Variants in NFIC observed in about 807,000 individuals in gnomAD.
The protein encoded by NFIC is nuclear factor I C.
In NFIC, 12 loss-of-function variants were observed where a neutral mutation model predicts 54.4. The observed-to-expected ratio is 0.22, with a 90% CI of 0.14 to 0.36. The LOEUF (loss-of-function observed/expected upper bound fraction) is 0.36. Ranked by LOEUF, NFIC falls within the 10% of genes least tolerant of loss-of-function variation. The probability of loss-of-function intolerance (pLI) is 1.00; values close to 1 mark genes in which losing one functional copy is unlikely to be tolerated. For synonymous variants in NFIC, 322 were observed against 319.2 expected (o/e 1.01, Z -0.09); for missense variants, 575 against 718.2 (o/e 0.80, Z 2.28).
At chr19:3,384,450 G>A (rs188742060) in intron 2 of NFIC, among the ~76,000 whole-genome samples, 10 of 151,492 alleles carry the variant, frequency 6.6e-5, no homozygotes, top group East Asian at 1.9e-4. Context: ...GTCCAGTGAC[G>A]CAATCTCGGC....
chr19:3,408,324 C>T (rs775725588), intron 2 of NFIC, among the ~76,000 whole-genome samples: 4 of 152,274 alleles, frequency 2.6e-5, no homozygotes, highest in South Asian at 2.1e-4. Flanking sequence ...ATGGCCACTC[C>T]GTGCAATGCT....
chr19:3,434,932 C>G lies in NFIC; in HGVS notation c.834-151C>G, dbSNP rs946749301. 6.6e-6 allele frequency: 7 copies of G among 1,062,952 alleles called. No homozygotes were observed. The African/African-American group carries it at 8.1e-5, about 12-fold the overall frequency. 65.8% of individuals were successfully genotyped at this position (1,062,952 alleles called of 1,614,324 possible). On this transcript the variant is annotated intron_variant, in intron 5 of 10. Transcript: ENST00000443272. ...GGTTGGAACAGGCGTTCGTAGGGAACGGGCTGAACGCCCGCGGCTCCCGCG... is the reference window on the plus strand; with the variant it reads ...GGTTGGAACAGGCGTTCGTAGGGAAGGGGCTGAACGCCCGCGGCTCCCGCG...
intron 2 of NFIC, among the ~76,000 whole-genome samples, chr19:3,416,679 C>T (rs1235977424): frequency 6.6e-5 from 10 of 151,624 alleles, no homozygotes; most frequent in Non-Finnish European, 1.3e-4. Flanking sequence ...CATGTGCCAC[C>T]GTGCCCGGCT....
At chr19:3,432,778 C>T (rs1191939359) in intron 3 of NFIC, among the ~76,000 whole-genome samples, 2 of 151,382 alleles carry the variant, frequency 1.3e-5, no homozygotes, top group Non-Finnish European at 2.9e-5. Context: ...GGGTTCACAC[C>T]ATTCTCCTGC....
rs2081086912 is a variant in NFIC, at chr19:3,375,328, T to C, written c.31-6384T>C. Among the ~76,000 whole-genome samples the C allele has an allele frequency of 6.6e-6, 1 of 152,182 alleles. No homozygotes were observed. The highest frequency in any genetic ancestry group is 6.5e-5 in the Admixed American group (1 of 15,280). On this transcript the variant is annotated intron_variant, in intron 1 of 10. Transcript: ENST00000443272. This position sits in a 1 kb window ranked among gnomAD's most constrained non-coding sequence, Gnocchi z 4.6. The stretch of plus-strand genomic sequence containing the variant: ...TGGCATCTCCTCCACAGGCAGGTCC[T>C]GCGCCTCTATGGGTCCTCTCTGCCG...
At chr19:3,393,466 A>C (rs10422388) in intron 2 of NFIC, among the ~76,000 whole-genome samples, 84,669 of 151,860 alleles carry the variant, frequency 0.56, 24,480 homozygotes, top group Middle Eastern at 0.65. Flanking sequence ...GGCCCTGACC[A>C]CACAGGTGAT....
chr19:3,451,056 G>A (rs2082455098), intron 7 of NFIC, among the ~76,000 whole-genome samples: 1 of 152,132 alleles, frequency 6.6e-6, no homozygotes, highest in African/African-American at 2.4e-5. Flanking sequence ...GCTATAAATA[G>A]TGAAAATACT....
chr19:3,405,893 G>A (rs2081641278), intron 2 of NFIC, among the ~76,000 whole-genome samples: 2 of 150,328 alleles, frequency 1.3e-5, no homozygotes, highest in East Asian at 2.0e-4. Context: ...GTGAGCCACC[G>A]CGCCCGGCCC....
intron 2 of NFIC, among the ~76,000 whole-genome samples, chr19:3,404,737 G>A (rs2081616461): frequency 6.6e-6 from 1 of 152,358 alleles, no homozygotes; most frequent in South Asian, 2.1e-4. Flanking sequence ...CCGCCAGAGG[G>A]ATGATGTCAT....
chr19:3,450,961 CTGAG>C (rs1313939876), intron 7 of NFIC, among the ~76,000 whole-genome samples: 1 of 152,196 alleles, frequency 6.6e-6, no homozygotes, highest in African/African-American at 2.4e-5. Flanking sequence ...CTTGGCAGGG[CTGAG>C]TAATTACAGC....
At chr19:3,394,513 T>TCC (rs1192475558) in intron 2 of NFIC, among the ~76,000 whole-genome samples, 19 of 9,008 alleles carry the variant, frequency 2.1e-3, no homozygotes, top group African/African-American at 4.7e-3. Flanking sequence ...TTATGATCTT[T>TCC]TCCCCACCCA....
At chr19:3,395,932 A>G (rs2081455589) in intron 2 of NFIC, among the ~76,000 whole-genome samples, 1 of 152,086 alleles carries the variant, frequency 6.6e-6, no homozygotes, top group Non-Finnish European at 1.5e-5. Flanking sequence ...AAGTGCTGGG[A>G]TGACAGGCAT....
At chr19:3,436,809 G>C (rs2082210564) in intron 6 of NFIC, among the ~76,000 whole-genome samples, 1 of 152,066 alleles carries the variant, frequency 6.6e-6, no homozygotes, top group African/African-American at 2.4e-5. Flanking sequence ...ATAACATTAG[G>C]ATTAAGAGGT....
At chr19:3,385,131 C>T (rs1347583562) in intron 2 of NFIC, among the ~76,000 whole-genome samples, 3 of 150,638 alleles carry the variant, frequency 2.0e-5, no homozygotes, top group African/African-American at 7.3e-5. Context: ...CCCCTTCATC[C>T]CCAAGGGAAT....
chr19:3,379,056 TTTTTTTG>T (rs1421136135), intron 1 of NFIC, among the ~76,000 whole-genome samples: 2 of 152,198 alleles, frequency 1.3e-5, no homozygotes, highest in East Asian at 1.9e-4. Flanking sequence ...TCATTTTTTG[TTTTTTTG>T]TTTTTTGTTT....
At chr19:3,442,449 C>T (rs1300170400) in intron 6 of NFIC, among the ~76,000 whole-genome samples, 5 of 149,384 alleles carry the variant, frequency 3.3e-5, no homozygotes, top group East Asian at 2.0e-4. Context: ...GGCATGATCT[C>T]GGCTCACTGC....
chr19:3,449,702 G>A (rs2082428733), intron 7 of NFIC, among the ~76,000 whole-genome samples: 1 of 150,602 alleles, frequency 6.6e-6, no homozygotes, highest in African/African-American at 2.5e-5. Flanking sequence ...AGAAGTTGCA[G>A]TGAGCAGAGA....
chr19:3,386,317 T>C (rs1015932817), intron 2 of NFIC, among the ~76,000 whole-genome samples: 1 of 107,724 alleles, frequency 9.3e-6, no homozygotes, highest in African/African-American at 3.9e-5. Flanking sequence ...TGTATGCCTT[T>C]TTTTTTTTTT....
intron 2 of NFIC, among the ~76,000 whole-genome samples, chr19:3,410,146 T>C (rs2081730385): frequency 6.6e-6 from 1 of 152,132 alleles, no homozygotes; most frequent in Non-Finnish European, 1.5e-5. Flanking sequence ...GTTCACGCCA[T>C]TCTCCTGCCT....
Sources: allele counts gnomAD v4.1 joint callset (sites outside exome capture counted in the v4.1 genomes callset), GRCh38; gene constraint gnomAD v4.1.1; non-coding constraint Gnocchi (gnomAD v3.1); transcripts MANE v1.5; gene names NCBI Gene and HGNC (gene_info 2026-07-23, HGNC 2026-07-21).